Variants in PIH1D2 observed in about 807,000 individuals in gnomAD.
PIH1D2 encodes the protein PIH1 domain containing 2, also known as PIH1 domain-containing protein 2.
A neutral mutation model predicts 31.2 loss-of-function variants in PIH1D2; 25 were observed. The ratio of observed to expected loss-of-function variants is 0.80; its 90% CI spans 0.58 to 1.12. PIH1D2 has a LOEUF of 1.12. PIH1D2 is among the 50% of genes most tolerant of loss of function. The pLI is 0.00. For missense variants in PIH1D2, 310 were observed against 356.6 expected (o/e 0.87, Z 1.05); for synonymous variants, 116 against 119.9 (o/e 0.97, Z 0.21).
chr11:112,059,959 C>A, downstream of PIH1D2: 2 of 1,613,760 alleles, frequency 1.2e-6, no homozygotes. Flanking sequence ...CTCATCACAC[C>A]TATTGTGTTT....
Position 112,067,886 on chromosome 11 carries a change from T to C in PIH1D2, c.933A>G (p.Thr311=). Residue 311 remains threonine (T), a synonymous_variant, in exon 6 of 6, where the codon ACA becomes ACG. Coordinates refer to ENST00000280350, the MANE Select transcript of PIH1D2 (RefSeq NM_138789.4). ...FIKEKSTLII[T]MPLV ...TGCTCTTCTTTCACACCAAAGGCATTGTGATGATTAGCGTGGATTTTTCTT... is the reference window on the plus strand; with the variant it reads ...TGCTCTTCTTTCACACCAAAGGCATCGTGATGATTAGCGTGGATTTTTCTT... 1.9e-6 allele frequency: 3 copies of C among 1,612,234 alleles called. No individual in the cohort carries two copies. The highest frequency in any genetic ancestry group is 1.1e-5 in the South Asian group (1 of 90,932).
downstream of PIH1D2, among the ~76,000 whole-genome samples, chr11:112,065,067 C>T (rs1269677682): frequency 6.6e-6 from 1 of 151,884 alleles, no homozygotes; most frequent in Non-Finnish European, 1.5e-5. Context: ...GTCTCTATCT[C>T]CTGACCTTGT....
At position 112,070,491 on chromosome 11, in the gene PIH1D2, T is replaced by G; in HGVS notation, c.758A>C (p.Lys253Thr). ...HSEKPLKIELKVELPGINSVS... is the reference protein window; with the variant it reads ...HSEKPLKIELTVELPGINSVS... ...AGAATTAATACCAGGTAATTCAACT[T>G]TCAACTCAATTTTCAGAGGTTTCTC... is the stretch of plus-strand genomic sequence containing the variant. The change falls in exon 5 of 6, where the codon AAA becomes ACA. Residue 253 changes from lysine (K) to threonine (T), a missense_variant. Physicochemically the swap from Lys to Thr is moderately conservative, Grantham distance 78. Transcript: ENST00000280350. 1 of 1,614,090 alleles carries G rather than the reference T, an allele frequency of 6.2e-7. No individual in the cohort carries two copies.
At chr11:112,072,884 C>CAAAA in intron 2 of PIH1D2, 114 bp downstream of exon 2, 9 of 926,818 alleles carry the variant, frequency 9.7e-6, no homozygotes, top group South Asian at 2.5e-5. Flanking sequence ...CAAAACAAAA[C>CAAAA]AAAACAAAAA....
At chr11:112,071,570 C>T in intron 3 of PIH1D2, 65 bp downstream of exon 3, 1 of 1,533,704 alleles carries the variant, frequency 6.5e-7, no homozygotes, top group Middle Eastern at 1.7e-4. Flanking sequence ...ATGCTCTCAA[C>T]CAAGTAAGAT....
chr11:112,073,683 T>C (rs1555185153), intron 1 of PIH1D2, among the ~76,000 whole-genome samples: 2 of 152,168 alleles, frequency 1.3e-5, no homozygotes, highest in African/African-American at 4.8e-5. Context: ...TAATGTTCTG[T>C]TCAAAATGAA....
chr11:112,055,913 G>A, the PIH1D2 span, among the ~76,000 whole-genome samples: 2 of 110,510 alleles, frequency 1.8e-5, no homozygotes, highest in Non-Finnish European at 3.4e-5. Context: ...CTTTTGCCAG[G>A]CTGGAGTGCA....
downstream of PIH1D2, among the ~76,000 whole-genome samples, chr11:112,065,873 G>A (rs1864905381): frequency 6.6e-6 from 1 of 151,898 alleles, no homozygotes; most frequent in African/African-American, 2.4e-5. Flanking sequence ...CCCAGCTACT[G>A]GGGAGGCTGA....
At chr11:112,055,534 G>A in the PIH1D2 span, among the ~76,000 whole-genome samples, 23 of 151,664 alleles carry the variant, frequency 1.5e-4, no homozygotes, top group Non-Finnish European at 3.1e-4. Flanking sequence ...GTGAGCCACC[G>A]CGCCCGGCCA....
At chr11:112,053,866 C>A in the PIH1D2 span, among the ~76,000 whole-genome samples, 1 of 152,052 alleles carries the variant, frequency 6.6e-6, no homozygotes, top group Admixed American at 6.6e-5. Context: ...ACTTTATTGA[C>A]TGACTCCCCG....
downstream of PIH1D2, chr11:112,063,123 C>G (rs991978275): frequency 6.5e-6 from 1 of 153,222 alleles, no homozygotes; most frequent in African/African-American, 2.4e-5. Flanking sequence ...TAGACCTCTT[C>G]AGCTGATTGT....
chr11:112,072,897 A>AAAAAC, intron 2 of PIH1D2, 101 bp downstream of exon 2: 1 of 1,203,260 alleles, frequency 8.3e-7, no homozygotes, highest in Non-Finnish European at 1.1e-6. Flanking sequence ...AACAAAAAAA[A>AAAAAC]AACAAAAAAA....
the PIH1D2 span, among the ~76,000 whole-genome samples, chr11:112,054,586 A>T: frequency 5.3e-5 from 8 of 152,202 alleles, no homozygotes; most frequent in Admixed American, 1.3e-4. Flanking sequence ...AATCTGATCA[A>T]ACCTATTGGG....
At chr11:112,063,994 C>T (rs1592742557), downstream of PIH1D2, 2 of 575,714 alleles carry the variant, frequency 3.5e-6, no homozygotes, top group South Asian at 5.3e-5. Flanking sequence ...TTACATGGTA[C>T]ACAAGTGACA....
chr11:112,070,327 T>C, intron 5 of PIH1D2, 109 bp downstream of exon 5: 1 of 1,335,206 alleles, frequency 7.5e-7, no homozygotes, highest in South Asian at 1.4e-5. Context: ...CCGGGTAACC[T>C]GAGCAAATCA....
chr11:112,070,853 A>T (rs1363947239), intron 4 of PIH1D2, 152 bp from the exon 5 acceptor site: 35 of 1,221,568 alleles, frequency 2.9e-5, no homozygotes, highest in Non-Finnish European at 3.6e-5. Flanking sequence ...TAAACCAAAG[A>T]ATTTGATTGA....
At chr11:112,064,106 C>T (rs1555183582), downstream of PIH1D2, 16 of 1,331,134 alleles carry the variant, frequency 1.2e-5, no homozygotes, top group East Asian at 7.8e-5. Flanking sequence ...GAAGATTATC[C>T]AAAAGAAACA....
chr11:112,070,577 A>G lies in PIH1D2; in HGVS notation c.672T>C (p.Thr224=), dbSNP rs1323847467. The G allele has an allele frequency of 6.2e-6, 10 of 1,614,072 alleles. No individual in the cohort carries two copies. In the African/African-American group the frequency reaches 1.1e-4, roughly 17 times the overall value. ...AVCLIEEISS[T]EIQVEMKMPA... is the part of the protein sequence containing the mutation. Reference sequence around the variant, plus strand: ...GCATCTTCATCTCCACCTGGATTTCAGTACTGGAAATCTCTTCTATCAGAC... The same window carrying G: ...GCATCTTCATCTCCACCTGGATTTCGGTACTGGAAATCTCTTCTATCAGAC... The change falls in exon 5 of 6, where the codon ACT becomes ACC. Residue 224 remains threonine, a synonymous_variant. Transcript: ENST00000280350.
intron 2 of PIH1D2, among the ~76,000 whole-genome samples, chr11:112,072,331 G>A (rs1592754268): frequency 6.6e-6 from 1 of 151,686 alleles, no homozygotes; most frequent in South Asian, 2.1e-4. Context: ...GGTTGCTTGA[G>A]GCCTAGGAGT....
Sources: allele counts gnomAD v4.1 joint callset (sites outside exome capture counted in the v4.1 genomes callset), GRCh38; gene constraint gnomAD v4.1.1; transcripts MANE v1.5; gene names NCBI Gene and HGNC (gene_info 2026-07-23, HGNC 2026-07-21).